The following ZZEF1 variants were observed in gnomAD, a reference collection of about 807,000 sequenced individuals.
The protein encoded by ZZEF1 is zinc finger ZZ-type and EF-hand domain containing 1, also known as zinc finger ZZ-type and EF-hand domain-containing protein 1.
ZZEF1 carries 157 observed loss-of-function variants against 342.8 expected under a neutral mutation model. The ratio of observed to expected loss-of-function variants is 0.46; its 90% CI spans 0.40 to 0.52. The LOEUF (loss-of-function observed/expected upper bound fraction) is 0.52. Ranked by LOEUF, ZZEF1 falls within the 20% of genes least tolerant of loss-of-function variation. ZZEF1 has a pLI of 0.00. For missense variants in ZZEF1, 3,480 were observed against 3,725.6 expected, an observed-to-expected ratio of 0.93 and a Z score of 1.72; for synonymous variants, 1,505 against 1,429.1, an observed-to-expected ratio of 1.05 and a Z score of -1.20.
chr17:4,135,643 A>G (rs188748623), intron 1 of ZZEF1, among the ~76,000 whole-genome samples: 1 of 152,178 alleles, frequency 6.6e-6, no homozygotes, highest in East Asian at 1.9e-4. Flanking sequence ...TGCCTCCCCA[A>G]AGTTACCATC....
intron 28 of ZZEF1, among the ~76,000 whole-genome samples, chr17:4,065,233 TA>T (rs979475273): frequency 6.6e-6 from 1 of 151,698 alleles, no homozygotes. Context: ...CCAATCTCTA[TA>T]AAAAAACAAT....
intron 6 of ZZEF1, among the ~76,000 whole-genome samples, chr17:4,109,088 A>G (rs1325992681): frequency 6.6e-6 from 1 of 152,144 alleles, no homozygotes; most frequent in Non-Finnish European, 1.5e-5. Flanking sequence ...AGTACTCTAC[A>G]TTTCAAAAGA....
In ZZEF1 at chr17:4,025,069, G is replaced by A. The variant is rs1327095495; in HGVS notation, c.6942C>T (p.Asp2314=). The A allele has an allele frequency of 1.2e-6, 2 of 1,614,170 alleles. No individual in the cohort carries two copies. The highest frequency in any genetic ancestry group is 2.2e-5 in the South Asian group (2 of 91,088). ...VQKGGGQECG[D]SRAQLSQYSQ... ...AGTACTGGCTCAGCTGGGCCCGAGA[G>A]TCACCACACTCTTGTCCTCCTCCCT... Residue 2314 remains aspartate, a synonymous_variant, in exon 43 of 55, where the codon GAC becomes GAT. Transcript: ENST00000381638.
intron 2 of ZZEF1, among the ~76,000 whole-genome samples, chr17:4,120,314 G>A (rs1380552899): frequency 6.6e-6 from 1 of 151,052 alleles, no homozygotes; most frequent in African/African-American, 2.4e-5. Flanking sequence ...CCGAGACTGC[G>A]CCACTGCACT....
At chr17:4,099,899 A>C (rs1413234550) in intron 9 of ZZEF1, among the ~76,000 whole-genome samples, 1 of 134,436 alleles carries the variant, frequency 7.4e-6, no homozygotes, top group Non-Finnish European at 1.6e-5. Flanking sequence ...CCACTTGCCA[A>C]TTTATTCTTT....
At chr17:4,035,460 G>T (rs1420804703) in intron 39 of ZZEF1, among the ~76,000 whole-genome samples, 1 of 152,120 alleles carries the variant, frequency 6.6e-6, no homozygotes, top group Non-Finnish European at 1.5e-5. Flanking sequence ...GAGGCCACAT[G>T]GTGTCAGAAC....
In ZZEF1 at chr17:4,008,988, CGCCAGATGCGCAGT is replaced by C. The variant is rs1567755317; in HGVS notation, c.8734-48_8734-35del. The C allele has an allele frequency of 1.3e-6, 2 of 1,536,442 alleles. No homozygotes were observed. Among genetic ancestry groups the C allele is most frequent in the African/African-American group, 2.7e-5 (2 of 73,042 alleles). ...AGAGAGCAGGGGCTGTGAGTGACAGCGCCAGATGCGCAGTGCAGCTCTCCCAGACCACCTGGGAC... is the reference window on the plus strand; with the variant it reads ...AGAGAGCAGGGGCTGTGAGTGACAGCGCAGCTCTCCCAGACCACCTGGGAC... On this transcript the variant is annotated intron_variant, in intron 53 of 54. Transcript: ENST00000381638. The surrounding 1 kb of genome is among the most constrained non-coding windows in gnomAD (Gnocchi z 4.2).
At chr17:4,048,454 T>C (rs1014178355) in intron 37 of ZZEF1, among the ~76,000 whole-genome samples, 2 of 152,212 alleles carry the variant, frequency 1.3e-5, no homozygotes, top group African/African-American at 4.8e-5. Flanking sequence ...GCGACCCCTG[T>C]GGCAGTCAAG....
In ZZEF1 at chr17:4,006,809, G is replaced by T; in HGVS notation, c.*81C>A. ...GGAGAGCTGGGCACTGGCGCTACAG[G>T]AGTTTTCCTGAATGAGGTTAGATGT... On this transcript the variant is annotated 3_prime_UTR_variant, in exon 55 of 55. Coordinates refer to ENST00000381638, the MANE Select transcript of ZZEF1 (RefSeq NM_015113.4). 1.4e-6 allele frequency: 2 copies of T among 1,447,746 alleles called. No homozygotes were observed. The highest frequency in any genetic ancestry group is 1.9e-6 in the Non-Finnish European group (2 of 1,052,928). The allele number at this position is 1,447,746 out of a possible 1,614,324, so 89.7% of individuals were successfully genotyped here.
At chr17:4,073,869 A>G (rs572728091) in intron 24 of ZZEF1, among the ~76,000 whole-genome samples, 1 of 151,824 alleles carries the variant, frequency 6.6e-6, no homozygotes, top group East Asian at 1.9e-4. Flanking sequence ...CTATACCTAC[A>G]CCTACTTGCA....
intron 1 of ZZEF1, among the ~76,000 whole-genome samples, chr17:4,139,983 C>T (rs533888894): frequency 1.9e-4 from 29 of 152,336 alleles, no homozygotes; most frequent in African/African-American, 7.0e-4. Flanking sequence ...ATGGCTTCTT[C>T]CTTCTCCTTC....
intron 26 of ZZEF1, among the ~76,000 whole-genome samples, chr17:4,069,756 G>A (rs1339150565): frequency 1.3e-5 from 2 of 152,178 alleles, no homozygotes; most frequent in Admixed American, 6.5e-5. Context: ...GCTTGAACCC[G>A]GGAGGTGGAG....
chr17:4,126,413 G>A (rs181330419), intron 1 of ZZEF1, among the ~76,000 whole-genome samples: 3 of 152,196 alleles, frequency 2.0e-5, no homozygotes, highest in East Asian at 3.9e-4. Context: ...ATTATCAAGA[G>A]ATCTGGGGTG....
chr17:4,019,116 T>C (rs2056195911), intron 46 of ZZEF1, among the ~76,000 whole-genome samples: 1 of 151,936 alleles, frequency 6.6e-6, no homozygotes, highest in Non-Finnish European at 1.5e-5. Context: ...TTAGGCAATA[T>C]ATAAGAAACT....
rs2056103737 is a variant in ZZEF1 at position 4,016,454 on chromosome 17, C to T, written c.8014G>A (p.Val2672Met). The change falls in exon 49 of 55, where the codon GTG (valine) becomes ATG (methionine). Residue 2672 changes from valine (V) to methionine (M), a missense_variant. Val to Met is a conservative substitution (Grantham distance 21, BLOSUM62 1). This residue lies in a region of ZZEF1 where 1,269 missense variants were observed against 1,342.4 expected (regional missense o/e 0.95). Transcript: ENST00000381638. This position sits in a 1 kb window ranked among gnomAD's most constrained non-coding sequence, Gnocchi z 4.4. Reference protein sequence around the residue: ...KHEWEKILQKVLQGCREDMLG... With the variant: ...KHEWEKILQKMLQGCREDMLG... The stretch of plus-strand genomic sequence containing the variant: ...ATGTCCTCTCGGCAGCCCTGGAGCA[C>T]TTTCTGCAGGATCTGGTGGGAAGCA... The T allele has an allele frequency of 1.9e-6, 3 of 1,610,426 alleles. No individual in the cohort carries two copies. The highest frequency in any genetic ancestry group is 1.7e-6 in the Non-Finnish European group (2 of 1,179,168).
intron 9 of ZZEF1, among the ~76,000 whole-genome samples, chr17:4,101,131 G>C (rs867517540): frequency 2.6e-5 from 4 of 152,126 alleles, no homozygotes; most frequent in African/African-American, 7.2e-5. Context: ...AAAACCACAG[G>C]GAAACAATCT....
rs1454758913 is a variant in ZZEF1 at position 4,109,835 on chromosome 17, A to T, written c.1095T>A (p.Leu365=). ...GAATTCTAGTGTCGCAGCCATCGCT[A>T]AGACAACGCTTTATGTTAATCTGGA... The part of the protein sequence containing the change: ...LYVQINIKRC[L]SDGCDTRIHG... Residue 365 remains leucine (L), a synonymous_variant, in exon 6 of 55, where the codon CTT becomes CTA. Transcript: ENST00000381638. The T allele has an allele frequency of 6.2e-7, 1 of 1,614,100 alleles. No individual in the cohort carries two copies. Among genetic ancestry groups the T allele is most frequent in the Non-Finnish European group, 8.5e-7 (1 of 1,180,050 alleles).
chr17:4,109,794 A>G lies in ZZEF1; in HGVS notation c.1136T>C (p.Val379Ala). 6.2e-7 allele frequency: 1 copy of G among 1,614,218 alleles called. No individual in the cohort carries two copies. Among genetic ancestry groups the G allele is most frequent in the Non-Finnish European group, 8.5e-7 (1 of 1,180,026 alleles). Residue 379 changes from valine to alanine, a missense_variant, in exon 6 of 55, where the codon GTT (valine) becomes GCT (alanine). Coordinates refer to ENST00000381638, the MANE Select transcript of ZZEF1 (RefSeq NM_015113.4). ...CDTRIHGLRA[V>A]GFQRVKKSGV... ...AGACTTCTTAACTCTCTGAAAGCCAACAGCCCTGAGACCATGAATTCTAGT... is the reference window on the plus strand; with the variant it reads ...AGACTTCTTAACTCTCTGAAAGCCAGCAGCCCTGAGACCATGAATTCTAGT...
chr17:4,085,486 C>T (rs1349412683), intron 16 of ZZEF1, among the ~76,000 whole-genome samples, 184 bp downstream of exon 16: 3 of 152,196 alleles, frequency 2.0e-5, no homozygotes, highest in Non-Finnish European at 2.9e-5. Context: ...ATTGGGAATA[C>T]GTGTCATCCC....
Sources: gnomAD v4.1 joint callset for allele counts (sites outside exome capture counted in the v4.1 genomes callset) on GRCh38, gnomAD v4.1.1 for gene constraint, gnomAD v4.1.1 regional missense constraint, Gnocchi (gnomAD v3.1) non-coding constraint, MANE v1.5 for transcripts, NCBI Gene and HGNC (gene_info 2026-07-23, HGNC 2026-07-21) for gene names.